The following RFFL variants were observed in gnomAD, a reference collection of about 807,000 sequenced individuals.
RFFL encodes the protein ring finger and FYVE like domain containing E3 ubiquitin protein ligase.
In RFFL, 16 loss-of-function variants were observed where a neutral mutation model predicts 40.4. The ratio of observed to expected loss-of-function variants is 0.40; its 90% CI spans 0.27 to 0.60. The LOEUF is 0.60. RFFL is among the 20% of genes least tolerant of loss of function. The pLI is 0.47. For synonymous variants in RFFL, 154 were observed against 167.9 expected, an observed-to-expected ratio of 0.92 and a Z score of 0.64; for missense variants, 367 against 451.7, an observed-to-expected ratio of 0.81 and a Z score of 1.70.
At chr17:35,053,396 G>C (rs2091242235) in intron 1 of RFFL, among the ~76,000 whole-genome samples, 1 of 152,118 alleles carries the variant, frequency 6.6e-6, no homozygotes, top group Non-Finnish European at 1.5e-5. Flanking sequence ...GAAAAAACAG[G>C]GAGGGGCATT....
intron 1 of RFFL, among the ~76,000 whole-genome samples, chr17:35,074,715 A>G (rs912842940): frequency 5.3e-5 from 8 of 152,200 alleles, no homozygotes; most frequent in African/African-American, 1.7e-4. Context: ...AGCACATAAT[A>G]ACTGTTGGTA....
Position 35,016,517 on chromosome 17 carries a change from G to C in RFFL, c.739C>G (p.Leu247Val). The C allele has an allele frequency of 6.2e-7, 1 of 1,614,156 alleles. No individual in the cohort carries two copies. The highest frequency in any genetic ancestry group is 1.3e-5 in the African/African-American group (1 of 75,040). ...RRASLSDLTD[L>V]EDIEGLTVRQ... ...ACTGTCAGGCCTTCAATGTCCTCCA[G>C]GTCAGTCAGGTCAGACAGAGAGGCC... The change falls in exon 5 of 7, where the codon CTG becomes GTG. Residue 247 changes from leucine to valine, a missense_variant. Coordinates refer to ENST00000394597, the MANE Select transcript of RFFL (RefSeq NM_001017368.2).
chr17:35,017,552 C>A lies in RFFL; in HGVS notation c.646G>T (p.Ala216Ser). 6.2e-7 allele frequency: 1 copy of A among 1,611,288 alleles called. No individual in the cohort carries two copies. Among genetic ancestry groups the A allele is most frequent in the Non-Finnish European group, 8.5e-7 (1 of 1,178,674 alleles). ...QEEPVYLESV[A>S]RVPAEDETQS... is the part of the protein sequence containing the mutation. ...GTCTCATCCTCAGCAGGTACTCTGG[C>A]CACGCTCTCCAGGTAGACGGGTTCC... is the stretch of plus-strand genomic sequence containing the variant. The change falls in exon 4 of 7, where the codon GCC (alanine) becomes TCC (serine). Residue 216 changes from alanine (A) to serine (S), a missense_variant. By Grantham distance (99) the Ala-to-Ser change is moderately conservative. Transcript: ENST00000394597.
chr17:35,006,201 G>A lies in RFFL; in HGVS notation c.*5767C>T, dbSNP rs2090894181. On this transcript the variant is annotated 3_prime_UTR_variant, in exon 7 of 7. Coordinates refer to ENST00000394597, the MANE Select transcript of RFFL (RefSeq NM_001017368.2). ...CTATTCAATAGAACTTTTTGCAGCA[G>A]TGGAAATATCCATAAATCTGCAGTA... The A allele has an allele frequency of 6.5e-6, 1 of 154,118 alleles. No individual in the cohort carries two copies. Among genetic ancestry groups the A allele is most frequent in the Non-Finnish European group, 1.4e-5 (1 of 69,416 alleles). The allele number at this position is 154,118 out of a possible 1,614,324, so 9.5% of individuals were successfully genotyped here.
upstream of RFFL, among the ~76,000 whole-genome samples, chr17:35,065,069 A>G (rs2142372376): frequency 6.6e-6 from 1 of 152,314 alleles, no homozygotes; most frequent in South Asian, 2.1e-4. Flanking sequence ...TCCTTTCTGA[A>G]TGATAAACAC....
At chr17:35,071,154 T>C (rs1213303233) in intron 1 of RFFL, among the ~76,000 whole-genome samples, 5 of 143,212 alleles carry the variant, frequency 3.5e-5, no homozygotes, top group African/African-American at 7.9e-5. Flanking sequence ...GCCAAGATTA[T>C]GCCACTGCAC....
chr17:35,060,303 T>G (rs954092135), intron 1 of RFFL, among the ~76,000 whole-genome samples: 3 of 152,212 alleles, frequency 2.0e-5, no homozygotes, highest in African/African-American at 7.2e-5. Context: ...TCCTCCTACC[T>G]TGATGATAAA....
Position 35,055,739 on chromosome 17 carries a change from T to A in RFFL, c.-9+7837A>T, listed in dbSNP as rs191909420. On this transcript the variant is annotated intron_variant, in intron 1 of 6. Transcript: ENST00000394597. ...TCAGGCTGGATTTTGACACATTTCC[T>A]TGTAACTGAAAGTCACACAGCGCTA... is the stretch of plus-strand genomic sequence containing the variant. 3.8e-4 allele frequency among the ~76,000 whole-genome samples: 58 copies of A among 152,042 alleles called. 1 individual carries two copies. The South Asian group carries it at 5.2e-3, about 14-fold the overall frequency.
chr17:35,033,668 A>G (rs2091100365), intron 1 of RFFL, among the ~76,000 whole-genome samples: 1 of 151,934 alleles, frequency 6.6e-6, no homozygotes, highest in African/African-American at 2.4e-5. Flanking sequence ...GTATAACCAA[A>G]TATAAATTTA....
chr17:35,012,045 TG>T lies in RFFL; in HGVS notation c.1014del (p.Lys339SerfsTer6), dbSNP rs1231198817. On this transcript the variant is annotated frameshift_variant, in exon 7 of 7. Transcript: ENST00000394597. LOFTEE classifies it high-confidence loss of function. ...LLECGHMVTC[T>X]KCGKRMNECP... Reference sequence around the variant, plus strand: ...CATTCATTCATGCGCTTGCCACACTTGGTACAGGTTACCATGTGGCCACACT... The same window carrying T: ...CATTCATTCATGCGCTTGCCACACTTGTACAGGTTACCATGTGGCCACACT... The T allele has an allele frequency of 1.2e-6, 2 of 1,614,138 alleles. No individual in the cohort carries two copies. Among genetic ancestry groups the T allele is most frequent in the Non-Finnish European group, 1.7e-6 (2 of 1,180,008 alleles).
Position 35,008,290 on chromosome 17 carries a change from C to T in RFFL, c.*3678G>A, listed in dbSNP as rs762175493. The T allele has an allele frequency of 2.0e-5, 3 of 152,240 alleles. No individual in the cohort carries two copies. Among genetic ancestry groups the T allele is most frequent in the Non-Finnish European group, 4.4e-5 (3 of 68,054 alleles). The allele number at this position is 152,240 out of a possible 1,614,324, so 9.4% of individuals were successfully genotyped here. On this transcript the variant is annotated 3_prime_UTR_variant, in exon 7 of 7. Coordinates refer to ENST00000394597, the MANE Select transcript of RFFL (RefSeq NM_001017368.2). ...TCTCTTCTAGGTTGTTCCATGGCCT[C>T]TTCCATATATTACATTTGTGGTCTT...
chr17:35,053,400 G>A (rs1432890992), intron 1 of RFFL, among the ~76,000 whole-genome samples: 1 of 152,060 alleles, frequency 6.6e-6, no homozygotes, highest in Non-Finnish European at 1.5e-5. Flanking sequence ...AAACAGGGAG[G>A]GGCATTTTGA....
intron 3 of RFFL, among the ~76,000 whole-genome samples, 159 bp from the exon 4 acceptor site, chr17:35,017,765 C>A (rs2090983740): frequency 6.6e-6 from 1 of 152,218 alleles, no homozygotes; most frequent in Admixed American, 6.5e-5. Context: ...CTCTCTCATA[C>A]CAACTTTGTC....
chr17:35,074,250 T>C (rs1404252552), intron 1 of RFFL: 1 of 152,136 alleles, frequency 6.6e-6, no homozygotes, highest in Non-Finnish European at 1.5e-5. Flanking sequence ...TTTTCCACCA[T>C]CTCTCCCACC....
chr17:35,017,872 A>G (rs1362179337), intron 3 of RFFL, among the ~76,000 whole-genome samples: 3 of 152,178 alleles, frequency 2.0e-5, no homozygotes, highest in Non-Finnish European at 2.9e-5. Flanking sequence ...CAGTAGCCAC[A>G]ACTCATCATC....
intron 1 of RFFL, among the ~76,000 whole-genome samples, chr17:35,073,239 T>C (rs1427828255): frequency 6.6e-6 from 1 of 152,144 alleles, no homozygotes; most frequent in African/African-American, 2.4e-5. Flanking sequence ...CTGTGCCCTA[T>C]CCATCACAAT....
chr17:35,026,229 T>G (rs2091039586), intron 2 of RFFL, 145 bp downstream of exon 2: 5 of 771,180 alleles, frequency 6.5e-6, no homozygotes, highest in South Asian at 1.9e-5. Context: ...TTAGTTCTTC[T>G]TGAACATTTT....
At position 35,062,120 on chromosome 17, in the gene RFFL, C is replaced by T. The variant is rs1172820342; in HGVS notation, c.-9+1456G>A. ...AAGATGTGAGCATAAAAAGAATGAA[C>T]AAGGCCGGGCGCGGTGGCTCACACC... On this transcript the variant is annotated intron_variant, in intron 1 of 6. Transcript: ENST00000394597. Among the ~76,000 whole-genome samples, 2 of 151,904 alleles carry T rather than the reference C, an allele frequency of 1.3e-5. 1 individual carries two copies. Among genetic ancestry groups the T allele is most frequent in the Non-Finnish European group, 2.9e-5 (2 of 67,964 alleles).
At chr17:35,034,015 C>T (rs1035527527) in intron 1 of RFFL, among the ~76,000 whole-genome samples, 5 of 151,640 alleles carry the variant, frequency 3.3e-5, no homozygotes, top group South Asian at 2.1e-4. Context: ...TGGTGGCGGG[C>T]GCCTGTAGTC....
Sources: gnomAD v4.1 joint callset for allele counts (sites outside exome capture counted in the v4.1 genomes callset) on GRCh38, gnomAD v4.1.1 for gene constraint, MANE v1.5 for transcripts, NCBI Gene and HGNC (gene_info 2026-07-23, HGNC 2026-07-21) for gene names.